The following PHTF1 variants were observed in gnomAD, a reference collection of about 807,000 sequenced individuals.
PHTF1 encodes putative homeodomain transcription factor 1, also known as protein PHTF1.
PHTF1 carries 88 observed loss-of-function variants against 102.4 expected under a neutral mutation model. The ratio of observed to expected loss-of-function variants is 0.86; its 90% CI spans 0.72 to 1.03. The LOEUF (loss-of-function observed/expected upper bound fraction) is 1.03, where lower values mean the gene tolerates loss of function less well. Ranked by LOEUF, PHTF1 falls within the 50% of genes least tolerant of loss-of-function variation. The pLI is 0.00. For missense variants in PHTF1, 814 were observed against 909.5 expected, an observed-to-expected ratio of 0.89 and a Z score of 1.35; for synonymous variants, 289 against 305.2, an observed-to-expected ratio of 0.95 and a Z score of 0.55.
chr1:113,732,205 A>C (rs1351452321), intron 5 of PHTF1, among the ~76,000 whole-genome samples: 1 of 152,068 alleles, frequency 6.6e-6, no homozygotes, highest in Non-Finnish European at 1.5e-5. Context: ...CAGAATAATG[A>C]AGAAATACTT....
intron 11 of PHTF1, among the ~76,000 whole-genome samples, chr1:113,708,209 G>A (rs1219473742): frequency 2.0e-5 from 3 of 152,216 alleles, no homozygotes; most frequent in African/African-American, 7.2e-5. Flanking sequence ...CAACCCTACA[G>A]AAGCTACTGT....
chr1:113,724,983 T>C (rs1019631779), intron 6 of PHTF1, 90 bp from the exon 7 acceptor site: 14 of 843,384 alleles, frequency 1.7e-5, no homozygotes, highest in Admixed American at 2.7e-5. Flanking sequence ...TACTGACAAA[T>C]TACTACCTTA....
In PHTF1 at chr1:113,738,725, C is replaced by T; in HGVS notation, c.172+5G>A. On this transcript the variant is annotated splice_donor_5th_base_variant and intron_variant, in intron 4 of 18. Coordinates refer to ENST00000369604, the MANE Select transcript of PHTF1 (RefSeq NM_001323043.2). ...ATGTACATAAAAAACAATTTTAAGACTAACCTCTGATTAAGTCAACGTCAA... is the reference window on the plus strand; with the variant it reads ...ATGTACATAAAAAACAATTTTAAGATTAACCTCTGATTAAGTCAACGTCAA... 6.4e-7 allele frequency: 1 copy of T among 1,560,536 alleles called. No homozygotes were observed. The highest frequency in any genetic ancestry group is 8.7e-7 in the Non-Finnish European group (1 of 1,150,356).
In PHTF1 at chr1:113,711,965, A is replaced by G. The variant is rs748840092; in HGVS notation, c.932T>C (p.Ile311Thr). 1 of 1,614,074 alleles carries G rather than the reference A, an allele frequency of 6.2e-7. No homozygotes were observed. Among genetic ancestry groups the G allele is most frequent in the Non-Finnish European group, 8.5e-7 (1 of 1,179,910 alleles). ...NGCEVKNRKS[I>T]LSRHLNSQVK... is the part of the protein sequence containing the mutation. ...CTGAGAGTTTAGGTGCCTTGAAAGT[A>G]TTGATTTTCTATTCTTAACTTCACA... Residue 311 changes from isoleucine (I) to threonine (T), a missense_variant, in exon 9 of 19, where the codon ATA becomes ACA. Physicochemically the swap from Ile to Thr is moderately conservative, Grantham distance 89. Coordinates refer to ENST00000369604, the MANE Select transcript of PHTF1 (RefSeq NM_001323043.2).
intron 3 of PHTF1, among the ~76,000 whole-genome samples, chr1:113,745,683 G>A (rs1226540707): frequency 6.6e-6 from 1 of 152,124 alleles, no homozygotes; most frequent in Non-Finnish European, 1.5e-5. Context: ...ATTCTCACAG[G>A]AGTGCAAACC....
intron 5 of PHTF1, among the ~76,000 whole-genome samples, chr1:113,730,443 TGTTATCATTTAAC>T (rs1391318529): frequency 6.6e-6 from 1 of 152,220 alleles, no homozygotes. Context: ...GACCACTCAC[TGTTATCATTTAAC>T]GTTACTCTGA....
intron 3 of PHTF1, among the ~76,000 whole-genome samples, chr1:113,748,513 GAATTT>G (rs1354610374): frequency 5.3e-5 from 8 of 151,816 alleles, no homozygotes; most frequent in Admixed American, 1.3e-4. Flanking sequence ...CTTTTCCACT[GAATTT>G]ATTTTAATTT....
At chr1:113,727,135 A>G (rs972864445) in intron 5 of PHTF1, among the ~76,000 whole-genome samples, 2 of 152,182 alleles carry the variant, frequency 1.3e-5, no homozygotes, top group African/African-American at 2.4e-5. Flanking sequence ...AAGTATCTCC[A>G]TATTTTAACA....
chr1:113,749,930 C>T (rs942607070), intron 3 of PHTF1, among the ~76,000 whole-genome samples: 1 of 151,948 alleles, frequency 6.6e-6, no homozygotes, highest in Non-Finnish European at 1.5e-5. Flanking sequence ...ATCTGTTGTA[C>T]TTTTAAAGAG....
chr1:113,708,276 A>G (rs948663802), intron 11 of PHTF1, among the ~76,000 whole-genome samples: 2 of 152,204 alleles, frequency 1.3e-5, no homozygotes, highest in Non-Finnish European at 2.9e-5. Flanking sequence ...CCAGAAACAG[A>G]GAGATGCAGG....
At chr1:113,752,634 T>G (rs984449084) in intron 3 of PHTF1, among the ~76,000 whole-genome samples, 2 of 152,154 alleles carry the variant, frequency 1.3e-5, no homozygotes, top group African/African-American at 4.8e-5. Context: ...TCCACCCGCC[T>G]TGGCCTCCCA....
chr1:113,732,616 C>G (rs376343965), intron 5 of PHTF1, among the ~76,000 whole-genome samples: 1 of 152,024 alleles, frequency 6.6e-6, no homozygotes, highest in East Asian at 1.9e-4. Flanking sequence ...AGTATGTAGT[C>G]CAGAAACATA....
intron 3 of PHTF1, among the ~76,000 whole-genome samples, chr1:113,751,419 C>A (rs1304342821): frequency 6.6e-6 from 1 of 152,156 alleles, no homozygotes. Context: ...CCATAGGCAA[C>A]TTTTGATCTG....
At chr1:113,731,929 T>C (rs1571191611) in intron 5 of PHTF1, among the ~76,000 whole-genome samples, 1 of 145,442 alleles carries the variant, frequency 6.9e-6, no homozygotes, top group Non-Finnish European at 1.5e-5. Context: ...AAAAAGGAAG[T>C]CCTGAGTAAA....
intron 7 of PHTF1, among the ~76,000 whole-genome samples, chr1:113,717,609 A>C (rs1242192017): frequency 6.6e-6 from 1 of 152,118 alleles, no homozygotes; most frequent in Non-Finnish European, 1.5e-5. Flanking sequence ...CATACCCGAG[A>C]TTGGGAAGAT....
chr1:113,726,611 G>A, intron 5 of PHTF1, 37 bp from the exon 6 acceptor site: 1 of 1,275,050 alleles, frequency 7.8e-7, no homozygotes, highest in Non-Finnish European at 1.1e-6. Context: ...AAACATTAGA[G>A]CTCTTCTTTA....
chr1:113,712,488 A>G (rs575545254), intron 8 of PHTF1, among the ~76,000 whole-genome samples: 238 of 152,228 alleles, frequency 1.6e-3, no homozygotes, highest in Non-Finnish European at 3.0e-3. Flanking sequence ...TTTGTTGAAA[A>G]TAAATGAGAT....
chr1:113,735,339 C>A (rs1655306789), intron 5 of PHTF1, among the ~76,000 whole-genome samples: 1 of 110,686 alleles, frequency 9.0e-6, no homozygotes, highest in Admixed American at 1.3e-4. Context: ...ATACTCTAGC[C>A]TGGACAACAG....
intron 11 of PHTF1, among the ~76,000 whole-genome samples, chr1:113,708,726 G>A (rs775024954): frequency 2.0e-5 from 3 of 152,110 alleles, no homozygotes; most frequent in Admixed American, 6.5e-5. Context: ...AATAGGCTAC[G>A]TGAACAGGAT....
Sources: allele counts gnomAD v4.1 joint callset (sites outside exome capture counted in the v4.1 genomes callset), GRCh38; gene constraint gnomAD v4.1.1; transcripts MANE v1.5; gene names NCBI Gene and HGNC (gene_info 2026-07-23, HGNC 2026-07-21).